EYS: variants seen among roughly 807,000 people sequenced by gnomAD.
EYS encodes the protein protein eyes shut homolog.
A neutral mutation model predicts 282.1 loss-of-function variants in EYS; 250 were observed. The observed-to-expected ratio is 0.89, with a 90% CI of 0.80 to 0.98. The LOEUF is 0.98. EYS is among the 50% of genes least tolerant of loss of function. The pLI is 0.00. For missense variants in EYS, 4,016 were observed against 3,709.0 expected, an observed-to-expected ratio of 1.08 and a Z score of -2.15; for synonymous variants, 1,355 against 1,282.9, an observed-to-expected ratio of 1.06 and a Z score of -1.20.
At chr6:65,692,370 TAA>T (rs1296956488) in intron 1 of EYS, among the ~76,000 whole-genome samples, 2 of 150,092 alleles carry the variant, frequency 1.3e-5, no homozygotes, top group African/African-American at 4.9e-5. Flanking sequence ...TATAGCCATA[TAA>T]TAATACCACA....
At chr6:64,246,971 G>A (rs1436132827) in intron 30 of EYS, among the ~76,000 whole-genome samples, 2 of 152,054 alleles carry the variant, frequency 1.3e-5, no homozygotes, top group African/African-American at 4.8e-5. Context: ...TGATTTGGAA[G>A]TCATTGAAGT....
At chr6:64,696,276 G>T (rs755353415) in intron 22 of EYS, among the ~76,000 whole-genome samples, 7 of 152,086 alleles carry the variant, frequency 4.6e-5, no homozygotes, top group African/African-American at 1.7e-4. Flanking sequence ...ATCTCAGAAT[G>T]TGAAAACAAG....
At chr6:65,415,104 A>G (rs1188831136) in intron 5 of EYS, among the ~76,000 whole-genome samples, 1 of 152,180 alleles carries the variant, frequency 6.6e-6, no homozygotes, top group African/African-American at 2.4e-5. Flanking sequence ...ATTAAAGATT[A>G]AATTTAGCAA....
chr6:64,027,241 A>G (rs57153686), intron 33 of EYS, among the ~76,000 whole-genome samples: 2,155 of 152,294 alleles, frequency 0.014, 38 homozygotes, highest in African/African-American at 0.042. Flanking sequence ...GAGAATTAGA[A>G]AAAAGACCAT....
intron 31 of EYS, among the ~76,000 whole-genome samples, chr6:64,117,178 A>C (rs1773413309): frequency 6.6e-6 from 1 of 152,078 alleles, no homozygotes; most frequent in Non-Finnish European, 1.5e-5. Flanking sequence ...CTACAAAAAA[A>C]GTCTTAACAA....
At chr6:64,449,086 G>A (rs1330274962) in intron 26 of EYS, among the ~76,000 whole-genome samples, 2 of 152,044 alleles carry the variant, frequency 1.3e-5, no homozygotes, top group African/African-American at 4.8e-5. Context: ...CAAACCAATG[G>A]CAAAGAAGAT....
chr6:64,347,461 G>A (rs1041841609), intron 29 of EYS, among the ~76,000 whole-genome samples: 2 of 151,268 alleles, frequency 1.3e-5, no homozygotes, highest in Non-Finnish European at 3.0e-5. Context: ...AAGATGGAGG[G>A]TGTAGTATAC....
intron 31 of EYS, among the ~76,000 whole-genome samples, chr6:64,166,761 G>C (rs936570387): frequency 6.6e-6 from 1 of 152,116 alleles, no homozygotes; most frequent in Non-Finnish European, 1.5e-5. Flanking sequence ...AAAATTAATT[G>C]GGGAAAAGAT....
At position 64,593,291 on chromosome 6, in the gene EYS, G is replaced by C. The variant is rs1452073359; in HGVS notation, c.3703C>G (p.Leu1235Val). The change falls in exon 25 of 43, where the codon CTT becomes GTT. Residue 1235 changes from leucine (L) to valine (V), a missense_variant. Physicochemically the swap from Leu to Val is conservative, Grantham distance 32 (BLOSUM62 1). Coordinates refer to ENST00000503581, the MANE Select transcript of EYS (RefSeq NM_001142800.2). ...ATTCTCCTTATTTCATCACCACAAA[G>C]AAGCCCAATGGAGCAGGTCTGCAAA... ...PGFMTCSIGL[L>V]CGDEIRRITC... The C allele has an allele frequency of 2.6e-6, 4 of 1,550,150 alleles. No homozygotes were observed. The South Asian group carries it at 4.8e-5, about 18-fold the overall frequency.
chr6:65,319,880 C>T (rs1467214702), intron 11 of EYS, among the ~76,000 whole-genome samples: 1 of 152,130 alleles, frequency 6.6e-6, no homozygotes, highest in Non-Finnish European at 1.5e-5. Flanking sequence ...CTATTGACTT[C>T]CTGGCCTGCT....
intron 36 of EYS, among the ~76,000 whole-genome samples, chr6:63,858,955 C>A (rs1342325109): frequency 6.6e-6 from 1 of 151,940 alleles, no homozygotes; most frequent in African/African-American, 2.4e-5. Flanking sequence ...GTCCCTGGAG[C>A]TCTACTTTCC....
chr6:64,621,764 C>G (rs1309042496), intron 23 of EYS, among the ~76,000 whole-genome samples: 1 of 152,106 alleles, frequency 6.6e-6, no homozygotes, highest in Non-Finnish European at 1.5e-5. Flanking sequence ...TTTGCATCAC[C>G]AGCAATATAA....
At chr6:64,128,761 T>C (rs1356732169) in intron 31 of EYS, among the ~76,000 whole-genome samples, 1 of 152,184 alleles carries the variant, frequency 6.6e-6, no homozygotes, top group Admixed American at 6.5e-5. Context: ...AAGTATTTAT[T>C]GCATGCCTTC....
At chr6:64,342,000 A>G (rs1295144659) in intron 29 of EYS, among the ~76,000 whole-genome samples, 4 of 151,650 alleles carry the variant, frequency 2.6e-5, no homozygotes, top group Non-Finnish European at 5.9e-5. Context: ...GTTACTTATA[A>G]GAGGAGGAGG....
intron 5 of EYS, among the ~76,000 whole-genome samples, chr6:65,426,955 G>A (rs889923687): frequency 1.3e-5 from 2 of 151,904 alleles, no homozygotes; most frequent in African/African-American, 4.8e-5. Context: ...TATTAATGTA[G>A]TTAAATACAT....
chr6:65,423,356 G>A (rs1468165277), intron 5 of EYS, among the ~76,000 whole-genome samples: 3 of 151,770 alleles, frequency 2.0e-5, no homozygotes, highest in African/African-American at 7.3e-5. Context: ...AAATTAAAAG[G>A]CAGGTAATTT....
chr6:65,244,713 G>A (rs977662945), intron 12 of EYS, among the ~76,000 whole-genome samples: 3 of 150,898 alleles, frequency 2.0e-5, no homozygotes, highest in South Asian at 4.2e-4. Context: ...TAGTAGAGAC[G>A]GGGTTTCACC....
intron 26 of EYS, among the ~76,000 whole-genome samples, chr6:64,563,376 A>G (rs1765462962): frequency 1.3e-5 from 2 of 152,090 alleles, no homozygotes; most frequent in East Asian, 3.8e-4. Context: ...AAAGAACATC[A>G]GAGAGCCTTT....
chr6:64,477,434 C>T (rs1776307900), intron 26 of EYS, among the ~76,000 whole-genome samples: 1 of 152,090 alleles, frequency 6.6e-6, no homozygotes, highest in Admixed American at 6.6e-5. Flanking sequence ...GATATACTCA[C>T]TTCAAACTCA....
Sources: gnomAD v4.1 joint callset for allele counts (sites outside exome capture counted in the v4.1 genomes callset) on GRCh38, gnomAD v4.1.1 for gene constraint, MANE v1.5 for transcripts, NCBI Gene and HGNC (gene_info 2026-07-23, HGNC 2026-07-21) for gene names.